TSHZ1: variants seen among roughly 807,000 people sequenced by gnomAD.
TSHZ1 encodes the protein teashirt homolog 1.
Under a neutral mutation model 67.1 loss-of-function variants are expected in TSHZ1, and 12 were observed. The ratio of observed to expected loss-of-function variants is 0.18; its 90% CI spans 0.11 to 0.29. The LOEUF (loss-of-function observed/expected upper bound fraction) is 0.29. TSHZ1 is among the 10% of genes least tolerant of loss of function. The pLI is 1.00. For synonymous variants in TSHZ1, 632 were observed against 622.4 expected (o/e 1.02, Z -0.23); for missense variants, 1,305 against 1,413.9 (o/e 0.92, Z 1.23).
chr18:75,264,562 A>G (rs376849098), intron 1 of TSHZ1, among the ~76,000 whole-genome samples: 1 of 151,588 alleles, frequency 6.6e-6, no homozygotes, highest in Non-Finnish European at 1.5e-5. Flanking sequence ...GCACTCTGAT[A>G]CATAGGTAGT....
At chr18:75,237,517 G>A (rs952747446) in intron 1 of TSHZ1, among the ~76,000 whole-genome samples, 1 of 152,224 alleles carries the variant, frequency 6.6e-6, no homozygotes, top group East Asian at 1.9e-4. Flanking sequence ...GAAAGGCCTT[G>A]TCTTCAAAAT....
chr18:75,225,130 A>ATG, intron 1 of TSHZ1, among the ~76,000 whole-genome samples: 1 of 152,126 alleles, frequency 6.6e-6, no homozygotes. Flanking sequence ...GTCAAGGCAC[A>ATG]TGGAGACATG....
Position 75,288,484 on chromosome 18 carries a change from T to C in TSHZ1, c.3077T>C (p.Leu1026Pro). Residue 1026 changes from leucine to proline, a missense_variant, in exon 2 of 2, where the codon CTG (leucine) becomes CCG (proline). Transcript: ENST00000580243. This position sits in a 1 kb window ranked among gnomAD's most constrained non-coding sequence, Gnocchi z 4.9. ...KVLTNKTLGP[L>P]GATEEDLGST... is the part of the protein sequence containing the mutation. ...CTCACCAACAAAACTCTGGGCCCAC[T>C]GGGGGCCACCGAGGAAGACTTGGGC... 1 of 1,614,126 alleles carries C rather than the reference T, an allele frequency of 6.2e-7. No homozygotes were observed. The highest frequency in any genetic ancestry group is 2.2e-5 in the East Asian group (1 of 44,872).
chr18:75,249,582 A>G (rs11664048), intron 1 of TSHZ1, among the ~76,000 whole-genome samples: 85,710 of 151,010 alleles, frequency 0.57, 24,642 homozygotes, highest in South Asian at 0.7. Flanking sequence ...TGGGGGATGC[A>G]TGACCTCCTC....
rs148977604 is a variant in TSHZ1, at chr18:75,236,819, C to T, written c.40+24903C>T. Among the ~76,000 whole-genome samples, 973 of 152,150 alleles carry T rather than the reference C, an allele frequency of 6.4e-3. 10 individuals are homozygous for T. The Middle Eastern group carries it at 0.065, about 10-fold the overall frequency. ...CTCTTCATTTATAGAGTGAGGCTTACGGAATTTAAGGTCCTATAGATAGTG... is the reference window on the plus strand; with the variant it reads ...CTCTTCATTTATAGAGTGAGGCTTATGGAATTTAAGGTCCTATAGATAGTG... On this transcript the variant is annotated intron_variant, in intron 1 of 1. Transcript: ENST00000580243.
rs776951771 is a variant in TSHZ1, at chr18:75,286,147, G to A, written c.740G>A (p.Arg247Gln). Residue 247 changes from arginine (R) to glutamine (Q), a missense_variant, in exon 2 of 2, where the codon CGG becomes CAG. Transcript: ENST00000580243. This position sits in a 1 kb window ranked among gnomAD's most constrained non-coding sequence, Gnocchi z 5.1. Reference protein sequence around the residue: ...GSVFTGASKFRCKDCSAAYDT... With the variant: ...GSVFTGASKFQCKDCSAAYDT... Reference sequence around the variant, plus strand: ...GTCTTCACGGGCGCCAGCAAGTTCCGGTGCAAAGACTGCAGTGCCGCGTAC... The same window carrying A: ...GTCTTCACGGGCGCCAGCAAGTTCCAGTGCAAAGACTGCAGTGCCGCGTAC... 29 of 1,613,430 alleles carry A rather than the reference G, an allele frequency of 1.8e-5. No individual in the cohort carries two copies. The East Asian group carries it at 2.2e-4, about 12-fold the overall frequency.
chr18:75,227,805 C>T (rs1295550263), intron 1 of TSHZ1, among the ~76,000 whole-genome samples: 15 of 152,182 alleles, frequency 9.9e-5, no homozygotes, highest in Admixed American at 9.2e-4. Flanking sequence ...TGGCTGTTTC[C>T]TAGGCGGAGC....
At chr18:75,224,336 C>T (rs975970146) in intron 1 of TSHZ1, among the ~76,000 whole-genome samples, 1 of 152,118 alleles carries the variant, frequency 6.6e-6, no homozygotes, top group East Asian at 1.9e-4. Flanking sequence ...CATCGTGAAA[C>T]CCAGCTAGTC....
intron 1 of TSHZ1, among the ~76,000 whole-genome samples, chr18:75,241,465 T>C (rs1174617767): frequency 6.6e-6 from 1 of 151,946 alleles, no homozygotes; most frequent in Non-Finnish European, 1.5e-5. Context: ...GCATAAGGAG[T>C]CACGGGCCGG....
chr18:75,217,305 GACA>G (rs1440458918), intron 1 of TSHZ1, among the ~76,000 whole-genome samples: 1 of 152,214 alleles, frequency 6.6e-6, no homozygotes, highest in Non-Finnish European at 1.5e-5. Flanking sequence ...CTTTTAGGAA[GACA>G]ACAACTTGAC....
chr18:75,271,987 G>T (rs1000725247), intron 1 of TSHZ1, among the ~76,000 whole-genome samples: 4 of 152,178 alleles, frequency 2.6e-5, no homozygotes, highest in African/African-American at 7.2e-5. Flanking sequence ...GTTATGTGGC[G>T]TGATTCTAAC....
In TSHZ1 at chr18:75,289,311, A is replaced by G. The variant is rs1221871507; in HGVS notation, c.*670A>G. On this transcript the variant is annotated 3_prime_UTR_variant, in exon 2 of 2. Transcript: ENST00000580243. ...AACAACAGATACCCCACTCGCCACTATGCCCAAACCCTCTGGATGCTGAAA... is the reference window on the plus strand; with the variant it reads ...AACAACAGATACCCCACTCGCCACTGTGCCCAAACCCTCTGGATGCTGAAA... The G allele has an allele frequency of 6.0e-6, 1 of 166,828 alleles. No individual in the cohort carries two copies. Among genetic ancestry groups the G allele is most frequent in the Non-Finnish European group, 1.5e-5 (1 of 68,118 alleles). The allele number at this position is 166,828 out of a possible 1,614,324, so 10.3% of individuals were successfully genotyped here.
chr18:75,285,872 C>CCA lies in TSHZ1; in HGVS notation c.466_467insAC (p.Pro156HisfsTer107). 6.4e-7 allele frequency: 1 copy of CCA among 1,560,400 alleles called. No individual in the cohort carries two copies. The highest frequency in any genetic ancestry group is 8.7e-7 in the Non-Finnish European group (1 of 1,148,326). On this transcript the variant is annotated frameshift_variant, in exon 2 of 2. Transcript: ENST00000580243. LOFTEE classifies it high-confidence loss of function. ...ATGCCAGCCAGAAGGAGAGCTCCGCCCCCACCCCCACACCCCCCACCTGCC... is the reference window on the plus strand; with the variant it reads ...ATGCCAGCCAGAAGGAGAGCTCCGCCCACCCACCCCCACACCCCCCACCTGCC...
intron 1 of TSHZ1, among the ~76,000 whole-genome samples, chr18:75,252,808 G>A (rs111789563): frequency 4.6e-5 from 7 of 151,994 alleles, no homozygotes; most frequent in African/African-American, 1.7e-4. Context: ...CTCTGTTCCT[G>A]CCCTGTGTCC....
At chr18:75,217,221 G>A (rs1167159316) in intron 1 of TSHZ1, among the ~76,000 whole-genome samples, 1 of 152,222 alleles carries the variant, frequency 6.6e-6, no homozygotes, top group Non-Finnish European at 1.5e-5. Context: ...GTCATAAACA[G>A]AACATCCCAA....
rs769074162 is a variant in TSHZ1, at chr18:75,287,752, T to C, written c.2345T>C (p.Leu782Pro). 6.2e-7 allele frequency: 1 copy of C among 1,613,614 alleles called. No homozygotes were observed. The highest frequency in any genetic ancestry group is 1.1e-5 in the South Asian group (1 of 91,084). The stretch of plus-strand genomic sequence containing the variant: ...CTGTACAAGATCAGCAACAGCATGC[T>C]GGACAAGCCGGTGTACCCCGCCACC... Reference protein sequence around the residue: ...AMLYKISNSMLDKPVYPATPV... With the variant: ...AMLYKISNSMPDKPVYPATPV... The change falls in exon 2 of 2, where the codon CTG becomes CCG. Residue 782 changes from leucine to proline, a missense_variant. Coordinates refer to ENST00000580243, the MANE Select transcript of TSHZ1 (RefSeq NM_001308210.2). The surrounding 1 kb of genome is among the most constrained non-coding windows in gnomAD (Gnocchi z 5.0).
chr18:75,256,958 ATGGGGAAATGC>A (rs371702777), intron 1 of TSHZ1, among the ~76,000 whole-genome samples: 378 of 152,308 alleles, frequency 2.5e-3, no homozygotes, highest in African/African-American at 8.7e-3. Context: ...TGATACACTT[ATGGGGAAATGC>A]TGCTCTTTTT....
chr18:75,268,818 AT>A (rs1186841320), intron 1 of TSHZ1, among the ~76,000 whole-genome samples: 7 of 152,318 alleles, frequency 4.6e-5, no homozygotes, highest in Non-Finnish European at 1.0e-4. Context: ...TCTGACAGAT[AT>A]TCTTACTGAT....
intron 1 of TSHZ1, among the ~76,000 whole-genome samples, chr18:75,278,116 G>A (rs1266834602): frequency 2.6e-5 from 4 of 152,110 alleles, no homozygotes; most frequent in African/African-American, 7.2e-5. Flanking sequence ...CCATAGAGGC[G>A]AACCACTGGG....
Sources: gnomAD v4.1 joint callset for allele counts (sites outside exome capture counted in the v4.1 genomes callset) on GRCh38, gnomAD v4.1.1 for gene constraint, Gnocchi (gnomAD v3.1) non-coding constraint, MANE v1.5 for transcripts, NCBI Gene and HGNC (gene_info 2026-07-23, HGNC 2026-07-21) for gene names.